POU6F2: variants seen among roughly 807,000 people sequenced by gnomAD.
POU6F2 encodes the protein POU domain, class 6, transcription factor 2.
Under a neutral mutation model 71.3 loss-of-function variants are expected in POU6F2, and 31 were observed. That is an observed-to-expected ratio of 0.43 (90% confidence interval 0.33 to 0.59). POU6F2 has a LOEUF of 0.59. Among genes scored for constraint, POU6F2 ranks in the 20% least tolerant of loss-of-function variants. The pLI is 0.04. For synonymous variants in POU6F2, 347 were observed against 355.7 expected (o/e 0.98, Z 0.27); for missense variants, 783 against 856.8 (o/e 0.91, Z 1.07).
intron 7 of POU6F2, among the ~76,000 whole-genome samples, chr7:39,436,238 A>C (rs574498373): frequency 6.6e-6 from 1 of 152,290 alleles, no homozygotes; most frequent in African/African-American, 2.4e-5. Context: ...CACAATATTG[A>C]TTCTTCCTAT....
At chr7:39,080,361 CCTCTTAATT>C (rs146999028) in intron 1 of POU6F2, among the ~76,000 whole-genome samples, 2,773 of 152,236 alleles carry the variant, frequency 0.018, 76 homozygotes, top group African/African-American at 0.064. Flanking sequence ...CTTGTTTCTT[CCTCTTAATT>C]CTTTTTGATT....
At chr7:39,382,233 C>T (rs939020385) in intron 5 of POU6F2, among the ~76,000 whole-genome samples, 2 of 152,124 alleles carry the variant, frequency 1.3e-5, no homozygotes, top group Non-Finnish European at 2.9e-5. Flanking sequence ...GAAGCAGACC[C>T]AAGGACACCT....
chr7:39,026,575 G>A (rs1789807977), intron 1 of POU6F2, among the ~76,000 whole-genome samples: 3 of 151,966 alleles, frequency 2.0e-5, no homozygotes, highest in African/African-American at 7.3e-5. Flanking sequence ...ACAGGAAGGG[G>A]AACAACACAC....
At chr7:39,078,876 G>A (rs563580819) in intron 1 of POU6F2, among the ~76,000 whole-genome samples, 8 of 152,162 alleles carry the variant, frequency 5.3e-5, no homozygotes, top group African/African-American at 9.6e-5. Flanking sequence ...TTCTAAAGGC[G>A]CCATTGCACT....
intron 9 of POU6F2, among the ~76,000 whole-genome samples, chr7:39,461,814 C>G (rs1009727662): frequency 6.6e-6 from 1 of 152,134 alleles, no homozygotes; most frequent in African/African-American, 2.4e-5. Context: ...AAGATACCTC[C>G]CTGTAGAAAA....
chr7:39,271,204 A>C (rs1206900156), intron 4 of POU6F2, among the ~76,000 whole-genome samples: 1 of 152,246 alleles, frequency 6.6e-6, no homozygotes, highest in African/African-American at 2.4e-5. Context: ...TGAGACATGA[A>C]AACTATATGA....
At chr7:39,068,667 A>G (rs1203317639) in intron 1 of POU6F2, among the ~76,000 whole-genome samples, 1 of 152,016 alleles carries the variant, frequency 6.6e-6, no homozygotes, top group Non-Finnish European at 1.5e-5. Flanking sequence ...ATAGCTCAAG[A>G]CTCCAAATTT....
At chr7:39,172,529 A>C (rs1231555553) in intron 2 of POU6F2, among the ~76,000 whole-genome samples, 2 of 152,000 alleles carry the variant, frequency 1.3e-5, no homozygotes, top group African/African-American at 4.8e-5. Context: ...ATTATACTTG[A>C]GATTACTACC....
At chr7:39,298,605 C>T (rs1018902593) in intron 4 of POU6F2, among the ~76,000 whole-genome samples, 1 of 152,166 alleles carries the variant, frequency 6.6e-6, no homozygotes, top group South Asian at 2.1e-4. Context: ...GGCTATTCCT[C>T]AAGGATCTAG....
intron 4 of POU6F2, among the ~76,000 whole-genome samples, chr7:39,265,458 G>T (rs1185876090): frequency 6.6e-6 from 1 of 152,180 alleles, no homozygotes; most frequent in Non-Finnish European, 1.5e-5. Flanking sequence ...TGGCTCATTT[G>T]AAAGTATGTA....
chr7:39,411,181 T>C (rs922631961), intron 6 of POU6F2, among the ~76,000 whole-genome samples: 1 of 152,208 alleles, frequency 6.6e-6, no homozygotes, highest in Non-Finnish European at 1.5e-5. Context: ...AAGGAAATCT[T>C]ACCCTTATCT....
intron 2 of POU6F2, among the ~76,000 whole-genome samples, chr7:39,120,597 T>G (rs1428916394): frequency 6.6e-6 from 1 of 152,248 alleles, no homozygotes; most frequent in South Asian, 2.1e-4. Flanking sequence ...GTATTAAACA[T>G]GTTTCTATTC....
At chr7:39,139,624 T>C (rs749372004) in intron 2 of POU6F2, among the ~76,000 whole-genome samples, 2 of 152,206 alleles carry the variant, frequency 1.3e-5, no homozygotes, top group Non-Finnish European at 2.9e-5. Context: ...TAGATTCTCC[T>C]TCTCAAGTGA....
At chr7:39,131,534 A>C (rs1792281125) in intron 2 of POU6F2, among the ~76,000 whole-genome samples, 1 of 152,168 alleles carries the variant, frequency 6.6e-6, no homozygotes, top group African/African-American at 2.4e-5. Context: ...CCCTTTAAGA[A>C]GAGCCCTTGA....
chr7:39,100,113 T>C (rs1791536454), intron 2 of POU6F2, among the ~76,000 whole-genome samples: 1 of 152,244 alleles, frequency 6.6e-6, no homozygotes, highest in Non-Finnish European at 1.5e-5. Context: ...TGCCTTCAAC[T>C]AGAAATTCAT....
intron 2 of POU6F2, among the ~76,000 whole-genome samples, chr7:39,153,592 T>C (rs1792803071): frequency 6.6e-6 from 1 of 152,212 alleles, no homozygotes; most frequent in Non-Finnish European, 1.5e-5. Flanking sequence ...CTCATACTAC[T>C]ATTGTAGTTA....
At chr7:39,415,759 G>A (rs1268208967) in intron 6 of POU6F2, among the ~76,000 whole-genome samples, 1 of 152,178 alleles carries the variant, frequency 6.6e-6, no homozygotes, top group Non-Finnish European at 1.5e-5. Context: ...CATGCATTAA[G>A]CCTTCACCCT....
intron 4 of POU6F2, among the ~76,000 whole-genome samples, chr7:39,285,481 A>G (rs1784635566): frequency 1.3e-5 from 2 of 152,364 alleles, no homozygotes; most frequent in Non-Finnish European, 2.9e-5. Flanking sequence ...CAATGGTTCA[A>G]GAATTCCCTT....
chr7:39,003,206 A>T (rs1357879194), intron 1 of POU6F2, among the ~76,000 whole-genome samples: 1 of 152,128 alleles, frequency 6.6e-6, no homozygotes, highest in Non-Finnish European at 1.5e-5. Flanking sequence ...ACATACTAAA[A>T]TGTTAATCTC....
Sources: allele counts gnomAD v4.1 joint callset (sites outside exome capture counted in the v4.1 genomes callset), GRCh38; gene constraint gnomAD v4.1.1; transcripts MANE v1.5; gene names NCBI Gene and HGNC (gene_info 2026-07-23, HGNC 2026-07-21).